The following SNX29 variants were observed in gnomAD, a reference collection of about 807,000 sequenced individuals.
The protein encoded by SNX29 is sorting nexin 29.
In SNX29, 78 loss-of-function variants were observed where a neutral mutation model predicts 102.1. The ratio of observed to expected loss-of-function variants is 0.76; its 90% CI spans 0.64 to 0.92. The LOEUF is 0.92. Ranked by LOEUF, SNX29 falls within the 40% of genes least tolerant of loss-of-function variation. SNX29 has a pLI of 0.00. For missense variants in SNX29, 1,280 were observed against 1,061.7 expected (o/e 1.21, Z -2.86); for synonymous variants, 580 against 414.5 (o/e 1.40, Z -4.85).
intron 18 of SNX29, among the ~76,000 whole-genome samples, chr16:12,468,746 G>A (rs1257538782): frequency 6.6e-6 from 1 of 152,202 alleles, no homozygotes; most frequent in Non-Finnish European, 1.5e-5. Context: ...GACTGAGGAG[G>A]GAACACGCAG....
At chr16:12,517,631 C>G (rs1355315090) in intron 19 of SNX29, among the ~76,000 whole-genome samples, 1 of 152,176 alleles carries the variant, frequency 6.6e-6, no homozygotes, top group South Asian at 2.1e-4. Flanking sequence ...TCTCCAGGCG[C>G]TGTGATAGGC....
At chr16:12,475,082 C>T (rs1256775837) in intron 18 of SNX29, among the ~76,000 whole-genome samples, 1 of 152,244 alleles carries the variant, frequency 6.6e-6, no homozygotes, top group Admixed American at 6.5e-5. Flanking sequence ...TGAATTCTCT[C>T]CATATCACTT....
At chr16:12,103,339 A>G (rs1457878423) in intron 11 of SNX29, among the ~76,000 whole-genome samples, 2 of 152,186 alleles carry the variant, frequency 1.3e-5, no homozygotes, top group African/African-American at 4.8e-5. Context: ...GCAGCATGGT[A>G]CTGGTACCAG....
At chr16:12,403,664 A>T in intron 18 of SNX29, 135 bp downstream of exon 18, 2 of 839,908 alleles carry the variant, frequency 2.4e-6, no homozygotes. Flanking sequence ...CCCACATCTT[A>T]ACTGCCCAGA....
chr16:12,225,909 T>A (rs2077598436), intron 14 of SNX29, among the ~76,000 whole-genome samples: 1 of 152,340 alleles, frequency 6.6e-6, no homozygotes, highest in East Asian at 1.9e-4. Flanking sequence ...CTCTCCTGCC[T>A]TTTAACTAAC....
intron 14 of SNX29, among the ~76,000 whole-genome samples, chr16:12,220,757 G>A (rs184018169): frequency 7.1e-4 from 108 of 152,212 alleles, no homozygotes; most frequent in East Asian, 3.9e-4. Flanking sequence ...GATCTTTTAA[G>A]CTTCTTATAA....
At chr16:12,388,840 T>C (rs2083426835) in intron 16 of SNX29, among the ~76,000 whole-genome samples, 1 of 152,082 alleles carries the variant, frequency 6.6e-6, no homozygotes, top group Non-Finnish European at 1.5e-5. Context: ...TTGCACGTAG[T>C]GTTGGTAAGG....
intron 18 of SNX29, among the ~76,000 whole-genome samples, chr16:12,466,377 A>T (rs1157724079): frequency 6.6e-6 from 1 of 152,230 alleles, no homozygotes; most frequent in East Asian, 1.9e-4. Context: ...ACCATCTGAA[A>T]ACACAAATTT....
intron 14 of SNX29, among the ~76,000 whole-genome samples, chr16:12,272,493 G>A (rs1344017262): frequency 6.6e-6 from 1 of 152,224 alleles, no homozygotes; most frequent in Non-Finnish European, 1.5e-5. Flanking sequence ...GCCTGCCAAG[G>A]TATCTGTGTC....
At chr16:12,108,908 A>G (rs1432465661) in intron 11 of SNX29, among the ~76,000 whole-genome samples, 1 of 152,132 alleles carries the variant, frequency 6.6e-6, no homozygotes, top group Non-Finnish European at 1.5e-5. Context: ...AGGCAGGTGG[A>G]TCACACGGCA....
intron 14 of SNX29, among the ~76,000 whole-genome samples, chr16:12,245,855 T>C (rs2078244846): frequency 1.3e-5 from 2 of 151,984 alleles, no homozygotes; most frequent in Non-Finnish European, 2.9e-5. Context: ...AGGAACTGGG[T>C]TGTTAGGAAG....
chr16:12,283,617 G>C (rs1031186037), intron 15 of SNX29, among the ~76,000 whole-genome samples: 11 of 152,106 alleles, frequency 7.2e-5, no homozygotes, highest in African/African-American at 2.7e-4. Flanking sequence ...CTTGCAGAGC[G>C]ACTTCTGTTG....
intron 19 of SNX29, among the ~76,000 whole-genome samples, chr16:12,511,142 C>G (rs1303308326): frequency 1.3e-5 from 2 of 152,186 alleles, no homozygotes; most frequent in Non-Finnish European, 1.5e-5. Context: ...TTTTGGAACT[C>G]TGGTATTTTG....
chr16:12,362,264 T>C (rs950447533), intron 16 of SNX29, among the ~76,000 whole-genome samples: 2 of 152,180 alleles, frequency 1.3e-5, no homozygotes, highest in Non-Finnish European at 2.9e-5. Context: ...AAATCCTCAG[T>C]GTAGATGAAA....
At chr16:12,354,504 C>T (rs1306311773) in intron 15 of SNX29, among the ~76,000 whole-genome samples, 1 of 152,198 alleles carries the variant, frequency 6.6e-6, no homozygotes, top group Non-Finnish European at 1.5e-5. Context: ...AACACTCTGG[C>T]TCCCACTGCA....
chr16:12,445,854 C>T (rs569478708), intron 18 of SNX29, among the ~76,000 whole-genome samples: 2 of 152,116 alleles, frequency 1.3e-5, no homozygotes, highest in East Asian at 3.9e-4. Flanking sequence ...TGCTGCTGCC[C>T]CCATTCTACA....
intron 16 of SNX29, among the ~76,000 whole-genome samples, chr16:12,395,449 C>T (rs760247846): frequency 6.6e-6 from 1 of 152,226 alleles, no homozygotes; most frequent in Non-Finnish European, 1.5e-5. Flanking sequence ...GTGTACAGCA[C>T]CGAGGGTGTT....
intron 15 of SNX29, among the ~76,000 whole-genome samples, chr16:12,289,479 C>T (rs1417024418): frequency 6.6e-6 from 1 of 152,102 alleles, no homozygotes; most frequent in Admixed American, 6.5e-5. Context: ...CCTCGTTTCC[C>T]ATTTCCTGGT....
chr16:12,240,034 C>T (rs1441947702), intron 14 of SNX29, among the ~76,000 whole-genome samples: 1 of 152,202 alleles, frequency 6.6e-6, no homozygotes, highest in East Asian at 1.9e-4. Context: ...ATTTTGCATT[C>T]TCTCGTTTCA....
Sources: allele counts gnomAD v4.1 joint callset (sites outside exome capture counted in the v4.1 genomes callset), GRCh38; gene constraint gnomAD v4.1.1; transcripts MANE v1.5; gene names NCBI Gene and HGNC (gene_info 2026-07-23, HGNC 2026-07-21).